The following BTBD16 variants were observed in gnomAD, a reference collection of about 807,000 sequenced individuals.
BTBD16 encodes the protein BTB/POZ domain-containing protein 16.
Under a neutral mutation model 67.4 loss-of-function variants are expected in BTBD16, and 66 were observed. That is an observed-to-expected ratio of 0.98 (90% confidence interval 0.80 to 1.20). BTBD16 has a LOEUF of 1.20. Among genes scored for constraint, BTBD16 ranks in the 50% most tolerant of loss-of-function variants. The probability of loss-of-function intolerance (pLI) is 0.00; values close to 1 mark genes in which losing one functional copy is unlikely to be tolerated. For synonymous variants in BTBD16, 242 were observed against 236.4 expected (o/e 1.02, Z -0.22); for missense variants, 634 against 616.0 (o/e 1.03, Z -0.31).
At chr10:122,309,943 T>C (rs2096410812) in intron 10 of BTBD16, among the ~76,000 whole-genome samples, 2 of 151,218 alleles carry the variant, frequency 1.3e-5, no homozygotes, top group Non-Finnish European at 1.5e-5. Context: ...AGCTAATTTT[T>C]GTATTTTTAG....
chr10:122,276,638 G>A, intron 2 of BTBD16, 153 bp from the exon 3 acceptor site: 1 of 992,796 alleles, frequency 1.0e-6, no homozygotes, highest in Non-Finnish European at 1.5e-6. Context: ...TCTTTGCCTT[G>A]AGTTGTCTTG....
In BTBD16 at chr10:122,328,871, C is replaced by T. The variant is rs532758183; in HGVS notation, c.912-609C>T. ...AGCTCCGTGAGGAAGTTAACTGGAGCTTGGTATTAACACTGAGTATAGCAG... is the reference window on the plus strand; with the variant it reads ...AGCTCCGTGAGGAAGTTAACTGGAGTTTGGTATTAACACTGAGTATAGCAG... On this transcript the variant is annotated intron_variant, in intron 10 of 15. Transcript: ENST00000260723. 1.2e-5 allele frequency: 12 copies of T among 969,702 alleles called. No individual in the cohort carries two copies. In the South Asian group the frequency reaches 4.8e-4, roughly 38 times the overall value. 60.1% of individuals were successfully genotyped at this position (969,702 alleles called of 1,614,324 possible). A position where few individuals can be genotyped will look rare whatever the true frequency, so the allele number is the denominator to read the frequency against.
intron 10 of BTBD16, among the ~76,000 whole-genome samples, chr10:122,321,573 C>G (rs900439406): frequency 4.6e-5 from 7 of 152,224 alleles, no homozygotes; most frequent in African/African-American, 1.7e-4. Flanking sequence ...GATGGTATCT[C>G]ACTGTGGTTT....
At chr10:122,281,946 A>G (rs1472336502) in intron 3 of BTBD16, among the ~76,000 whole-genome samples, 1 of 152,136 alleles carries the variant, frequency 6.6e-6, no homozygotes, top group Admixed American at 6.5e-5. Flanking sequence ...TTGCAATGGG[A>G]CCACTGAGTC....
intron 3 of BTBD16, among the ~76,000 whole-genome samples, chr10:122,281,347 G>A (rs1168569395): frequency 1.3e-5 from 2 of 151,864 alleles, no homozygotes; most frequent in Non-Finnish European, 2.9e-5. Context: ...TCCCTTCCTG[G>A]CCTTCCCCAC....
chr10:122,308,094 G>A (rs2142094666), intron 10 of BTBD16, among the ~76,000 whole-genome samples: 1 of 152,300 alleles, frequency 6.6e-6, no homozygotes, highest in Admixed American at 6.5e-5. Context: ...TTTCCAATGA[G>A]TCATGCACAC....
intron 6 of BTBD16, among the ~76,000 whole-genome samples, chr10:122,290,684 A>T (rs1305211531): frequency 3.9e-5 from 6 of 152,182 alleles, no homozygotes; most frequent in African/African-American, 1.4e-4. Flanking sequence ...CCCAGACTCC[A>T]AGGAGAATCT....
intron 13 of BTBD16, among the ~76,000 whole-genome samples, chr10:122,333,973 T>C (rs957655053): frequency 2.3e-4 from 35 of 152,168 alleles, no homozygotes; most frequent in Admixed American, 2.2e-3. Context: ...AGCATTAATA[T>C]GTGGTATAGA....
At chr10:122,288,874 A>C (rs1040193520) in intron 5 of BTBD16, among the ~76,000 whole-genome samples, 2 of 152,140 alleles carry the variant, frequency 1.3e-5, no homozygotes, top group East Asian at 1.9e-4. Context: ...CATGATGGGC[A>C]GAGCGGTGGG....
intron 10 of BTBD16, among the ~76,000 whole-genome samples, chr10:122,312,462 G>A (rs2421009): frequency 0.04 from 6,033 of 151,736 alleles, 364 homozygotes; most frequent in East Asian, 0.23. Flanking sequence ...ATAGGCATAC[G>A]CCACCACACC....
Position 122,325,680 on chromosome 10 carries a change from AT to A in BTBD16, c.912-3787del, listed in dbSNP as rs1055356880. On this transcript the variant is annotated intron_variant, in intron 10 of 15. Coordinates refer to ENST00000260723, the MANE Select transcript of BTBD16 (RefSeq NM_144587.5). ...TGGTTTTGTATATATAGATAGATAGATTTTTTTTTTTTTGAGATGGAGTCTC... is the reference window on the plus strand; with the variant it reads ...TGGTTTTGTATATATAGATAGATAGATTTTTTTTTTTTGAGATGGAGTCTC... 2.5e-3 allele frequency among the ~76,000 whole-genome samples: 360 copies of A among 145,896 alleles called. 1 individual carries two copies. Among genetic ancestry groups the A allele is most frequent in the Middle Eastern group, 3.6e-3 (1 of 280 alleles).
intron 3 of BTBD16, among the ~76,000 whole-genome samples, chr10:122,281,475 C>A (rs1002632683): frequency 6.6e-6 from 1 of 152,134 alleles, no homozygotes; most frequent in African/African-American, 2.4e-5. Context: ...TCACAGCTCA[C>A]TGCAGCCTCA....
At position 122,334,673 on chromosome 10, in the gene BTBD16, A is replaced by ATT. The variant is rs66947410; in HGVS notation, c.1165-190_1165-189dup. Among the ~76,000 whole-genome samples, 131 of 115,200 alleles carry ATT rather than the reference A, an allele frequency of 1.1e-3. 4 individuals are homozygous for ATT. In the East Asian group the frequency reaches 0.014, roughly 12 times the overall value. 75.6% of individuals were successfully genotyped at this position (115,200 alleles called of 152,430 possible). A position where few individuals can be genotyped will look rare whatever the true frequency, so the allele number is the denominator to read the frequency against. On this transcript the variant is annotated intron_variant, in intron 13 of 15. Transcript: ENST00000260723. Reference sequence around the variant, plus strand: ...AGGCACGCACCACCACGCCTGGCTAATTTTTTTTTTTTTTTTTTTGGTATT... The same window carrying ATT: ...AGGCACGCACCACCACGCCTGGCTAATTTTTTTTTTTTTTTTTTTTTGGTATT...
intron 9 of BTBD16, among the ~76,000 whole-genome samples, chr10:122,299,962 C>T (rs1392289665): frequency 6.6e-6 from 1 of 152,196 alleles, no homozygotes; most frequent in African/African-American, 2.4e-5. Context: ...CCCTGATGAA[C>T]ACCTCCCCAT....
At chr10:122,297,687 T>C in intron 7 of BTBD16, 81 bp from the exon 8 acceptor site, 1 of 1,486,390 alleles carries the variant, frequency 6.7e-7, no homozygotes, top group Non-Finnish European at 9.3e-7. Flanking sequence ...TGTCCTGGAG[T>C]TGAATGAGAA....
At chr10:122,330,718 G>A (rs1005447342) in intron 11 of BTBD16, among the ~76,000 whole-genome samples, 2 of 152,082 alleles carry the variant, frequency 1.3e-5, no homozygotes, top group African/African-American at 4.8e-5. Context: ...GTGGTTTTTT[G>A]TGTTGTTTTG....
At chr10:122,335,694 A>G (rs980164022) in intron 14 of BTBD16, among the ~76,000 whole-genome samples, 2 of 152,210 alleles carry the variant, frequency 1.3e-5, no homozygotes, top group Non-Finnish European at 2.9e-5. Context: ...GAAGATGAGG[A>G]TGATGATGTT....
intron 9 of BTBD16, among the ~76,000 whole-genome samples, chr10:122,306,566 G>T (rs1193039091): frequency 1.3e-5 from 2 of 152,174 alleles, no homozygotes; most frequent in African/African-American, 4.8e-5. Context: ...CTATACCCAG[G>T]TCTGAGCCCA....
chr10:122,297,684 G>T lies in BTBD16; in HGVS notation c.591-84G>T, dbSNP rs1407234744. The T allele has an allele frequency of 1.2e-5, 17 of 1,454,058 alleles. No homozygotes were observed. In the Admixed American group the frequency reaches 1.8e-4, roughly 15 times the overall value. 90.1% of individuals were successfully genotyped at this position (1,454,058 alleles called of 1,614,324 possible). ...CGTTCAAAAGTCTGCTGCTGTCCTG[G>T]AGTTGAATGAGAATCTCTGGGACTT... On this transcript the variant is annotated intron_variant, in intron 7 of 15. Transcript: ENST00000260723.
Sources: allele counts gnomAD v4.1 joint callset (sites outside exome capture counted in the v4.1 genomes callset), GRCh38; gene constraint gnomAD v4.1.1; transcripts MANE v1.5; gene names NCBI Gene and HGNC (gene_info 2026-07-23, HGNC 2026-07-21).